The following SIK2 variants were observed in gnomAD, a reference collection of about 807,000 sequenced individuals.
SIK2 encodes salt inducible kinase 2, also known as serine/threonine-protein kinase SIK2.
SIK2 carries 29 observed loss-of-function variants against 103.2 expected under a neutral mutation model. The observed-to-expected ratio is 0.28, with a 90% CI of 0.21 to 0.38. SIK2 has a LOEUF of 0.38. Ranked by LOEUF, SIK2 falls within the 10% of genes least tolerant of loss-of-function variation. The probability of loss-of-function intolerance (pLI) is 1.00; values close to 1 mark genes in which losing one functional copy is unlikely to be tolerated. For synonymous variants in SIK2, 412 were observed against 446.1 expected (o/e 0.92, Z 0.96); for missense variants, 879 against 1,171.0 (o/e 0.75, Z 3.64).
At chr11:111,638,313 G>C (rs1210665453) in intron 3 of SIK2, among the ~76,000 whole-genome samples, 2 of 152,180 alleles carry the variant, frequency 1.3e-5, no homozygotes, top group African/African-American at 4.8e-5. Flanking sequence ...TAAGCCTCTA[G>C]ATTTCTACTG....
chr11:111,700,956 A>G lies in SIK2; in HGVS notation c.549A>G (p.Ala183=). 3 of 1,614,094 alleles carry G rather than the reference A, an allele frequency of 1.9e-6. No homozygotes were observed. The highest frequency in any genetic ancestry group is 2.5e-6 in the Non-Finnish European group (3 of 1,179,972). The change falls in exon 5 of 15, where the codon GCA becomes GCG. Residue 183 remains alanine (A), a synonymous_variant. Transcript: ENST00000304987. The stretch of plus-strand genomic sequence containing the variant: ...CATGGTGTGGCAGCCCCCCTTATGC[A>G]GCCCCAGAAGTCTTTGAAGGGCAGC... ...LATWCGSPPY[A]APEVFEGQQY... is the part of the protein sequence containing the mutation.
Position 111,720,635 on chromosome 11 carries a change from C to T in SIK2, c.1653C>T (p.Pro551=). 1.2e-6 allele frequency: 2 copies of T among 1,614,090 alleles called. No homozygotes were observed. Among genetic ancestry groups the T allele is most frequent in the Non-Finnish European group, 1.7e-6 (2 of 1,180,024 alleles). Residue 551 remains proline (P), a synonymous_variant, in exon 11 of 15, where the codon CCC becomes CCT. Transcript: ENST00000304987. ...ANQPSPRMTS[P]FISLRPTNPA... The stretch of plus-strand genomic sequence containing the variant: ...AGCCTTCACCCCGCATGACATCTCC[C>T]TTCATAAGCCTGAGACCTACCAACC...
chr11:111,717,388 A>G (rs1943677120), intron 9 of SIK2, among the ~76,000 whole-genome samples: 1 of 151,048 alleles, frequency 6.6e-6, no homozygotes, highest in Non-Finnish European at 1.5e-5. Flanking sequence ...CAAAACCACA[A>G]TGAGATACTA....
chr11:111,699,666 T>C (rs190705819), intron 4 of SIK2, among the ~76,000 whole-genome samples: 1 of 152,330 alleles, frequency 6.6e-6, no homozygotes, highest in Admixed American at 6.5e-5. Context: ...CTCTAGTTTT[T>C]ATGTTAGCAA....
At chr11:111,652,739 C>T (rs1052051927) in intron 3 of SIK2, among the ~76,000 whole-genome samples, 3 of 152,118 alleles carry the variant, frequency 2.0e-5, no homozygotes, top group Non-Finnish European at 4.4e-5. Flanking sequence ...TGTCTTTTCT[C>T]ATTTAACCCT....
chr11:111,615,257 C>T (rs528012071), intron 1 of SIK2, among the ~76,000 whole-genome samples: 42 of 149,850 alleles, frequency 2.8e-4, no homozygotes, highest in African/African-American at 8.9e-4. Context: ...TCAAGGCCAG[C>T]CTGGTCAACA....
At chr11:111,619,757 C>G (rs1941857181) in intron 2 of SIK2, among the ~76,000 whole-genome samples, 1 of 152,216 alleles carries the variant, frequency 6.6e-6, no homozygotes, top group Admixed American at 6.5e-5. Context: ...AAGTATTTTA[C>G]AGTAGAGCTA....
chr11:111,661,920 C>T (rs1942472892), intron 3 of SIK2, among the ~76,000 whole-genome samples: 1 of 152,222 alleles, frequency 6.6e-6, no homozygotes, highest in Non-Finnish European at 1.5e-5. Flanking sequence ...ATGGGAGCCA[C>T]AATTCAAGAT....
chr11:111,729,309 C>G lies in SIK2; in HGVS notation c.*5180C>G, dbSNP rs563663408. ...CAGGCGGCAGCAGTGCTCGCAGACCCACCCAGGGAGAGCTGTGATGGGTTC... is the reference window on the plus strand; with the variant it reads ...CAGGCGGCAGCAGTGCTCGCAGACCGACCCAGGGAGAGCTGTGATGGGTTC... On this transcript the variant is annotated 3_prime_UTR_variant, in exon 15 of 15. Coordinates refer to ENST00000304987, the MANE Select transcript of SIK2 (RefSeq NM_015191.3). 1 of 152,278 alleles carries G rather than the reference C, an allele frequency of 6.6e-6. No individual in the cohort carries two copies. Among genetic ancestry groups the G allele is most frequent in the African/African-American group, 2.4e-5 (1 of 41,464 alleles). 9.4% of individuals were successfully genotyped at this position (152,278 alleles called of 1,614,324 possible). A position where few individuals can be genotyped will look rare whatever the true frequency, so the allele number is the denominator to read the frequency against.
At chr11:111,655,110 G>A (rs1942374837) in intron 3 of SIK2, among the ~76,000 whole-genome samples, 1 of 152,164 alleles carries the variant, frequency 6.6e-6, no homozygotes, top group African/African-American at 2.4e-5. Flanking sequence ...TCAAAAAAAT[G>A]TTTTTCTCTG....
intron 9 of SIK2, among the ~76,000 whole-genome samples, chr11:111,718,371 G>C (rs1193097170): frequency 6.6e-6 from 1 of 152,218 alleles, no homozygotes; most frequent in African/African-American, 2.4e-5. Flanking sequence ...ACCAAGGAGA[G>C]AGCAAGAGTT....
intron 1 of SIK2, among the ~76,000 whole-genome samples, chr11:111,604,354 C>G (rs1941621381): frequency 6.6e-6 from 1 of 152,226 alleles, no homozygotes; most frequent in Non-Finnish European, 1.5e-5. Context: ...TTCTACAAAA[C>G]TTTTGAACTG....
rs113325106 is a variant in SIK2, at chr11:111,666,029, C to T, written c.317-21972C>T. The stretch of plus-strand genomic sequence containing the variant: ...ACAATGTGTGTGACTACTGCACTAG[C>T]ATGAAATGGACAGGATGAAGCTAGT... On this transcript the variant is annotated intron_variant, in intron 3 of 14. Coordinates refer to ENST00000304987, the MANE Select transcript of SIK2 (RefSeq NM_015191.3). 6.5e-3 allele frequency among the ~76,000 whole-genome samples: 991 copies of T among 152,282 alleles called. 9 individuals are homozygous for T. The highest frequency in any genetic ancestry group is 0.022 in the African/African-American group (925 of 41,554).
intron 3 of SIK2, among the ~76,000 whole-genome samples, chr11:111,622,492 G>T (rs537891714): frequency 6.6e-6 from 1 of 151,904 alleles, no homozygotes; most frequent in East Asian, 1.9e-4. Context: ...CTGACATCGT[G>T]ATCCGCCCGC....
In SIK2 at chr11:111,721,917, C is replaced by G; in HGVS notation, c.2032C>G (p.Gln678Glu). 1 of 1,610,240 alleles carries G rather than the reference C, an allele frequency of 6.2e-7. No individual in the cohort carries two copies. The highest frequency in any genetic ancestry group is 8.5e-7 in the Non-Finnish European group (1 of 1,178,030). The change falls in exon 13 of 15, where the codon CAG becomes GAG. Residue 678 changes from glutamine (Q) to glutamate (E), a missense_variant. This residue lies in a region of SIK2 where 375 missense variants were observed against 416.3 expected (regional missense o/e 0.90). Transcript: ENST00000304987. ...GTCCCCACGGCAGAGCCTGGAGACC[C>G]AGTACCTGCAGCACAGACTCCAGGT... ...QLSPRQSLET[Q>E]YLQHRLQKPS...
At chr11:111,712,415 C>G in intron 9 of SIK2, 40 bp downstream of exon 9, 1 of 1,580,538 alleles carries the variant, frequency 6.3e-7, no homozygotes, top group Non-Finnish European at 8.6e-7. Context: ...GGCAGTTTGG[C>G]GAGAGATTTC....
At chr11:111,616,960 CAACCACTAAA>C (rs1941815068) in intron 2 of SIK2, among the ~76,000 whole-genome samples, 2 of 152,118 alleles carry the variant, frequency 1.3e-5, no homozygotes, top group Non-Finnish European at 2.9e-5. Flanking sequence ...TATGAAAATA[CAACCACTAAA>C]CTAGTATATT....
At chr11:111,685,876 A>T (rs774727195) in intron 3 of SIK2, among the ~76,000 whole-genome samples, 2 of 152,136 alleles carry the variant, frequency 1.3e-5, no homozygotes, top group Non-Finnish European at 2.9e-5. Context: ...AAATAAAATA[A>T]AAGGATGGTT....
At chr11:111,659,968 G>T (rs1259544105) in intron 3 of SIK2, among the ~76,000 whole-genome samples, 1 of 152,232 alleles carries the variant, frequency 6.6e-6, no homozygotes, top group East Asian at 1.9e-4. Flanking sequence ...AGCAATTTCA[G>T]GTGTCACATC....
Sources: allele counts gnomAD v4.1 joint callset (sites outside exome capture counted in the v4.1 genomes callset), GRCh38; gene constraint gnomAD v4.1.1; regional missense constraint gnomAD v4.1.1; transcripts MANE v1.5; gene names NCBI Gene and HGNC (gene_info 2026-07-23, HGNC 2026-07-21).